Variants in SORCS3 observed in about 807,000 individuals in gnomAD.
The protein encoded by SORCS3 is VPS10 domain-containing receptor SorCS3.
SORCS3 carries 57 observed loss-of-function variants against 146.3 expected under a neutral mutation model. The observed-to-expected ratio is 0.39, with a 90% CI of 0.31 to 0.49. SORCS3 has a LOEUF of 0.49. SORCS3 is among the 20% of genes least tolerant of loss of function. The pLI, the probability that SORCS3 is intolerant of heterozygous loss-of-function variation, is 0.92. For missense variants in SORCS3, 1,341 were observed against 1,575.5 expected, an observed-to-expected ratio of 0.85 and a Z score of 2.52; for synonymous variants, 653 against 618.5, an observed-to-expected ratio of 1.06 and a Z score of -0.83.
intron 6 of SORCS3, among the ~76,000 whole-genome samples, chr10:105,097,486 C>T (rs1455312746): frequency 2.0e-5 from 3 of 152,160 alleles, no homozygotes; most frequent in African/African-American, 7.2e-5. Context: ...ACACACCCTC[C>T]ATTTAAGAGG....
At chr10:105,080,316 T>A (rs966041812) in intron 5 of SORCS3, among the ~76,000 whole-genome samples, 1 of 152,242 alleles carries the variant, frequency 6.6e-6, no homozygotes, top group African/African-American at 2.4e-5. Context: ...TCAATGATGT[T>A]GAGCTGTTTT....
intron 1 of SORCS3, among the ~76,000 whole-genome samples, chr10:104,729,637 C>T (rs956488251): frequency 5.3e-5 from 8 of 152,172 alleles, no homozygotes; most frequent in African/African-American, 1.9e-4. Flanking sequence ...AACAACTGCA[C>T]AAATGTGTGA....
chr10:105,003,988 T>A (rs1334673895), intron 4 of SORCS3, among the ~76,000 whole-genome samples: 1 of 141,106 alleles, frequency 7.1e-6, no homozygotes, highest in Admixed American at 6.9e-5. Context: ...CTCCTTTTTT[T>A]CTCTTCTCTC....
chr10:105,004,214 C>T (rs1403526913), intron 4 of SORCS3, among the ~76,000 whole-genome samples: 1 of 152,104 alleles, frequency 6.6e-6, no homozygotes, highest in African/African-American at 2.4e-5. Flanking sequence ...GCAGGATGGA[C>T]AGAGAAGGGA....
intron 16 of SORCS3, among the ~76,000 whole-genome samples, chr10:105,205,161 C>T (rs1402505247): frequency 6.6e-6 from 1 of 152,040 alleles, no homozygotes; most frequent in African/African-American, 2.4e-5. Context: ...GAGGGTATCA[C>T]CTAGTTCAGT....
chr10:104,997,495 G>A (rs953707470), intron 4 of SORCS3, among the ~76,000 whole-genome samples: 2 of 152,074 alleles, frequency 1.3e-5, no homozygotes, highest in Non-Finnish European at 2.9e-5. Context: ...GCAATACCCT[G>A]ACTCTAAACC....
At chr10:104,948,076 C>A (rs1034505598) in intron 3 of SORCS3, among the ~76,000 whole-genome samples, 3 of 152,142 alleles carry the variant, frequency 2.0e-5, no homozygotes, top group African/African-American at 7.2e-5. Flanking sequence ...GATTGAGGAA[C>A]AAATAACACA....
rs1270379704 is a variant in SORCS3 at position 105,257,006 on chromosome 10, C to T, written c.3443+82C>T. 27 of 962,910 alleles carry T rather than the reference C, an allele frequency of 2.8e-5. No individual in the cohort carries two copies. In the East Asian group the frequency reaches 6.0e-4, roughly 21 times the overall value. The allele number at this position is 962,910 out of a possible 1,614,324, so 59.6% of individuals were successfully genotyped here. A position where few individuals can be genotyped will look rare whatever the true frequency, so the allele number is the denominator to read the frequency against. On this transcript the variant is annotated intron_variant, in intron 25 of 26. Transcript: ENST00000369701. ...TTCCTATAACTAACTTTACTAAACT[C>T]ATCGCAAGAATGTGATTTTTAATTC...
intron 2 of SORCS3, among the ~76,000 whole-genome samples, chr10:104,897,403 G>A (rs1042526111): frequency 2.0e-5 from 3 of 152,126 alleles, no homozygotes; most frequent in Admixed American, 6.6e-5. Context: ...AGATTGTTGC[G>A]GAACATTTAC....
intron 1 of SORCS3, among the ~76,000 whole-genome samples, chr10:104,697,504 G>A (rs937403713): frequency 6.6e-6 from 1 of 152,092 alleles, no homozygotes; most frequent in Non-Finnish European, 1.5e-5. Flanking sequence ...TAGGTCTGAT[G>A]GTGTATTTAC....
chr10:105,048,489 A>G (rs2055389483), intron 5 of SORCS3, among the ~76,000 whole-genome samples: 1 of 146,006 alleles, frequency 6.8e-6, no homozygotes, highest in South Asian at 2.2e-4. Context: ...GAACAATGAG[A>G]ACACATGGAC....
rs575892039 is a variant in SORCS3 at position 104,971,085 on chromosome 10, C to T, written c.796-6250C>T. The stretch of plus-strand genomic sequence containing the variant: ...AATTCCAAAAAAGTTGTGCTTCTGA[C>T]GAAGCCAGAGACATAAACAGGGGTG... On this transcript the variant is annotated intron_variant, in intron 3 of 26. Coordinates refer to ENST00000369701, the MANE Select transcript of SORCS3 (RefSeq NM_014978.3). 1.0e-3 allele frequency among the ~76,000 whole-genome samples: 156 copies of T among 152,276 alleles called. 1 individual carries two copies. The highest frequency in any genetic ancestry group is 3.4e-3 in the African/African-American group (140 of 41,564).
At chr10:104,751,538 A>G (rs754187527) in intron 1 of SORCS3, among the ~76,000 whole-genome samples, 2 of 152,140 alleles carry the variant, frequency 1.3e-5, no homozygotes, top group Non-Finnish European at 2.9e-5. Context: ...AGAGTTTAGG[A>G]TAGGTCCATT....
At chr10:105,147,554 G>T in intron 8 of SORCS3, 63 bp from the exon 9 acceptor site, 5 of 1,398,456 alleles carry the variant, frequency 3.6e-6, no homozygotes, top group South Asian at 2.9e-5. Context: ...TAATTACTTG[G>T]CATCCCAATG....
At chr10:105,139,366 C>A (rs775964210) in intron 7 of SORCS3, 31 bp from the exon 8 acceptor site, 2 of 1,549,430 alleles carry the variant, frequency 1.3e-6, no homozygotes, top group East Asian at 4.5e-5. Context: ...GTGGCCTCAT[C>A]TGATCTCTTT....
chr10:105,186,901 A>G (rs898814219), intron 14 of SORCS3, among the ~76,000 whole-genome samples: 1 of 151,582 alleles, frequency 6.6e-6, no homozygotes, highest in African/African-American at 2.4e-5. Flanking sequence ...AAAAAAAAAA[A>G]AAATTCCCTC....
At chr10:105,197,021 C>G (rs1161242273) in intron 14 of SORCS3, among the ~76,000 whole-genome samples, 3 of 152,092 alleles carry the variant, frequency 2.0e-5, no homozygotes, top group African/African-American at 7.2e-5. Flanking sequence ...CCAATTTTGG[C>G]TTCTGTCTTC....
chr10:104,663,082 G>T (rs1450990427), intron 1 of SORCS3, among the ~76,000 whole-genome samples: 4 of 152,180 alleles, frequency 2.6e-5, no homozygotes. Context: ...GGAGCTGCCG[G>T]CTGCCTTCCT....
At chr10:105,167,176 T>A (rs2056320699) in intron 12 of SORCS3, 82 bp from the exon 13 acceptor site, 1 of 1,085,940 alleles carries the variant, frequency 9.2e-7, no homozygotes, top group Non-Finnish European at 1.4e-6. Context: ...TGAAACAATA[T>A]ATGTGAAAGA....
Sources: gnomAD v4.1 joint callset for allele counts (sites outside exome capture counted in the v4.1 genomes callset) on GRCh38, gnomAD v4.1.1 for gene constraint, MANE v1.5 for transcripts, NCBI Gene and HGNC (gene_info 2026-07-23, HGNC 2026-07-21) for gene names.